The following IL20RA variants were observed in gnomAD, a reference collection of about 807,000 sequenced individuals.
The protein encoded by IL20RA is interleukin 20 receptor subunit alpha.
A neutral mutation model predicts 36.5 loss-of-function variants in IL20RA; 29 were observed. The observed-to-expected ratio is 0.79, with a 90% confidence interval of 0.59 to 1.08. IL20RA has a LOEUF of 1.08. IL20RA is among the 50% of genes least tolerant of loss of function. The probability of loss-of-function intolerance (pLI) is 0.00; values close to 1 mark genes in which losing one functional copy is unlikely to be tolerated. For synonymous variants in IL20RA, 279 were observed against 267.1 expected (o/e 1.04, Z -0.43); for missense variants, 652 against 668.4 (o/e 0.98, Z 0.27).
intron 1 of IL20RA, among the ~76,000 whole-genome samples, chr6:137,019,639 A>G (rs966750764): frequency 1.3e-5 from 2 of 152,218 alleles, no homozygotes; most frequent in African/African-American, 4.8e-5. Flanking sequence ...TCAATAATTA[A>G]TGTTCATTGA....
intron 1 of IL20RA, among the ~76,000 whole-genome samples, chr6:137,037,280 T>C (rs1776522534): frequency 6.6e-6 from 1 of 152,160 alleles, no homozygotes; most frequent in African/African-American, 2.4e-5. Context: ...CAAAGTGTAA[T>C]GCAGCGATTG....
chr6:137,041,767 C>G (rs2115432088), intron 1 of IL20RA, among the ~76,000 whole-genome samples: 1 of 151,628 alleles, frequency 6.6e-6, no homozygotes, highest in East Asian at 1.9e-4. Context: ...ATAAGCTATA[C>G]TTTTTTCCTC....
At chr6:137,044,538 C>T in intron 1 of IL20RA, 103 bp downstream of exon 1, 4 of 1,145,882 alleles carry the variant, frequency 3.5e-6, no homozygotes, top group Non-Finnish European at 4.4e-6. Context: ...AAAGCGAAAC[C>T]TGGCCGGCGG....
At chr6:137,005,863 C>T (rs1463081280) in intron 5 of IL20RA, among the ~76,000 whole-genome samples, 4 of 152,162 alleles carry the variant, frequency 2.6e-5, no homozygotes, top group Admixed American at 2.6e-4. Context: ...CGTGGGTCTC[C>T]AGCCTGCCTA....
intron 5 of IL20RA, among the ~76,000 whole-genome samples, chr6:137,007,535 C>G (rs573748981): frequency 6.6e-6 from 1 of 152,040 alleles, no homozygotes; most frequent in African/African-American, 2.4e-5. Context: ...AAGAGCCCTT[C>G]GATGCAGGCA....
chr6:137,044,493 T>C, intron 1 of IL20RA, 148 bp downstream of exon 1: 1 of 881,914 alleles, frequency 1.1e-6, no homozygotes, highest in East Asian at 3.7e-5. Flanking sequence ...GGCTGGAAGC[T>C]CCGGCCTCCG....
At chr6:137,033,622 C>T (rs1465501175) in intron 1 of IL20RA, among the ~76,000 whole-genome samples, 1 of 152,204 alleles carries the variant, frequency 6.6e-6, no homozygotes, top group Non-Finnish European at 1.5e-5. Context: ...GCTTGCTCCC[C>T]TTCCGCCTTC....
Position 137,016,993 on chromosome 6 carries a change from C to CTTT in IL20RA, c.196_198dup (p.Lys66dup). Reference sequence around the variant, plus strand: ...ATGAAATACTGCACAGTGTAAGTAACTTTAACTCCTTGAAGACCCTCTGGT... The same window carrying CTTT: ...ATGAAATACTGCACAGTGTAAGTAACTTTTTTAACTCCTTGAAGACCCTCTGGT... On this transcript the variant is annotated inframe_insertion, in exon 2 of 7. Transcript: ENST00000316649. The CTTT allele has an allele frequency of 3.1e-6, 5 of 1,613,750 alleles. No individual in the cohort carries two copies. In the South Asian group the frequency reaches 5.5e-5, roughly 18 times the overall value.
intron 1 of IL20RA, among the ~76,000 whole-genome samples, chr6:137,026,421 G>A (rs1182062157): frequency 1.3e-5 from 2 of 152,154 alleles, no homozygotes; most frequent in Admixed American, 1.3e-4. Context: ...ATTCACCTTG[G>A]TAAGCTTACA....
chr6:137,019,179 T>G (rs1293309628), intron 1 of IL20RA, among the ~76,000 whole-genome samples: 1 of 151,762 alleles, frequency 6.6e-6, no homozygotes. Context: ...CATGCTGGAG[T>G]GCAGTGGCAT....
Position 137,004,764 on chromosome 6 carries a change from T to TAAAA in IL20RA, c.725-8_725-5dup. 6.9e-7 allele frequency: 1 copy of TAAAA among 1,444,088 alleles called. No homozygotes were observed. Among genetic ancestry groups the TAAAA allele is most frequent in the African/African-American group, 1.5e-5 (1 of 67,644 alleles). 89.5% of individuals were successfully genotyped at this position (1,444,088 alleles called of 1,614,324 possible). A position where few individuals can be genotyped will look rare whatever the true frequency, so the allele number is the denominator to read the frequency against. Reference sequence around the variant, plus strand: ...GCCTTGAACTCTGATGATTGATCTGTAAAAAAAAAAAAAAAGGTGGGAATT... The same window carrying TAAAA: ...GCCTTGAACTCTGATGATTGATCTGTAAAAAAAAAAAAAAAAAAAGGTGGGAATT... On this transcript the variant is annotated splice_polypyrimidine_tract_variant and splice_region_variant and intron_variant, in intron 5 of 6. Coordinates refer to ENST00000316649, the MANE Select transcript of IL20RA (RefSeq NM_014432.4).
At chr6:137,041,613 A>T (rs1490852512) in intron 1 of IL20RA, among the ~76,000 whole-genome samples, 1 of 152,122 alleles carries the variant, frequency 6.6e-6, no homozygotes, top group Non-Finnish European at 1.5e-5. Flanking sequence ...TAAAATACGG[A>T]ATGCTGCCAT....
In IL20RA at chr6:137,016,854, A is replaced by C. The variant is rs1582825862; in HGVS notation, c.224+114T>G. ...AGAAAACTTAACCTGAAATATCTAA[A>C]ACTTTTCTCTTTTTCAAACACATTT... On this transcript the variant is annotated intron_variant, in intron 2 of 6. Transcript: ENST00000316649. 1.4e-5 allele frequency: 14 copies of C among 992,502 alleles called. No individual in the cohort carries two copies. The East Asian group carries it at 3.6e-4, about 25-fold the overall frequency. 61.5% of individuals were successfully genotyped at this position (992,502 alleles called of 1,614,324 possible).
At chr6:137,039,707 A>G (rs1776614876) in intron 1 of IL20RA, among the ~76,000 whole-genome samples, 2 of 152,178 alleles carry the variant, frequency 1.3e-5, no homozygotes, top group Admixed American at 1.3e-4. Context: ...AATGGGAAAG[A>G]GGTGGTGGTA....
chr6:137,004,172 T>TTTTTTTTTTTTTTG (rs1775187916), intron 6 of IL20RA, among the ~76,000 whole-genome samples: 2 of 132,684 alleles, frequency 1.5e-5, no homozygotes, highest in Admixed American at 7.6e-5. Context: ...TTTTTTTTTT[T>TTTTTTTTTTTTTTG]TTTTTTTTTT....
At chr6:137,007,725 A>C (rs994330088) in intron 5 of IL20RA, among the ~76,000 whole-genome samples, 6 of 152,202 alleles carry the variant, frequency 3.9e-5, no homozygotes, top group African/African-American at 1.2e-4. Flanking sequence ...GAGATAAATA[A>C]AAGGAAATAG....
chr6:137,039,204 C>G (rs1011152032), intron 1 of IL20RA, among the ~76,000 whole-genome samples: 3 of 152,176 alleles, frequency 2.0e-5, no homozygotes, highest in African/African-American at 7.2e-5. Flanking sequence ...CTCTCCAGGT[C>G]GCAAATACTG....
chr6:137,039,208 A>T (rs1376789412), intron 1 of IL20RA, among the ~76,000 whole-genome samples: 7 of 152,204 alleles, frequency 4.6e-5, no homozygotes, highest in Non-Finnish European at 7.3e-5. Context: ...CCAGGTCGCA[A>T]ATACTGCCTT....
At chr6:137,013,999 A>G (rs992681718) in intron 2 of IL20RA, among the ~76,000 whole-genome samples, 1 of 152,204 alleles carries the variant, frequency 6.6e-6, no homozygotes, top group African/African-American at 2.4e-5. Context: ...CCCTTTCTGG[A>G]TCACATAAAA....
Sources: allele counts gnomAD v4.1 joint callset (sites outside exome capture counted in the v4.1 genomes callset), GRCh38; gene constraint gnomAD v4.1.1; transcripts MANE v1.5; gene names NCBI Gene and HGNC (gene_info 2026-07-23, HGNC 2026-07-21).